Variants in NAE1 observed in about 807,000 individuals in gnomAD.
The protein encoded by NAE1 is NEDD8-activating enzyme E1 regulatory subunit.
NAE1 carries 59 observed loss-of-function variants against 88.0 expected under a neutral mutation model. That is an observed-to-expected ratio of 0.67 (90% CI 0.54 to 0.83). The LOEUF is 0.83. Among genes scored for constraint, NAE1 ranks in the 40% least tolerant of loss-of-function variants. The probability of loss-of-function intolerance (pLI) is 0.00; values close to 1 mark genes in which losing one functional copy is unlikely to be tolerated. For synonymous variants in NAE1, 186 were observed against 208.9 expected (o/e 0.89, Z 0.95); for missense variants, 554 against 632.8 (o/e 0.88, Z 1.34).
In NAE1 at chr16:66,830,935, T is replaced by G. The variant is rs374734901; in HGVS notation, c.-36A>C. ...GCCGCGCGGAAAACAGCCGAGCCCC[T>G]GCGGAGCGCCGCCACCAGCTCCACA... On this transcript the variant is annotated 5_prime_UTR_variant, in exon 1 of 20. Coordinates refer to ENST00000290810, the MANE Select transcript of NAE1 (RefSeq NM_003905.4). 4.7e-6 allele frequency: 7 copies of G among 1,498,374 alleles called. No homozygotes were observed. In the South Asian group the frequency reaches 6.2e-5, roughly 13 times the overall value. The allele number at this position is 1,498,374 out of a possible 1,614,324, so 92.8% of individuals were successfully genotyped here.
chr16:66,812,968 G>A (rs1301203859), intron 13 of NAE1, among the ~76,000 whole-genome samples: 5 of 151,692 alleles, frequency 3.3e-5, no homozygotes, highest in South Asian at 2.1e-4. Flanking sequence ...GACTACAGGC[G>A]CCTGCCACCA....
At chr16:66,824,628 C>A (rs756728969) in intron 4 of NAE1, 4 of 349,772 alleles carry the variant, frequency 1.1e-5, no homozygotes, top group Non-Finnish European at 2.1e-5. Flanking sequence ...TGAATATTAA[C>A]ATTACTCAAG....
At chr16:66,817,299 TC>T in intron 9 of NAE1, 125 bp downstream of exon 9, 1 of 876,442 alleles carries the variant, frequency 1.1e-6, no homozygotes. Flanking sequence ...TTTAAAAGCA[TC>T]CATTTGCCCT....
At chr16:66,806,158 G>T in intron 17 of NAE1, 132 bp from the exon 18 acceptor site, 1 of 1,099,992 alleles carries the variant, frequency 9.1e-7, no homozygotes, top group Non-Finnish European at 1.2e-6. Context: ...AACAAAGTAT[G>T]AGACCAATAT....
Position 66,823,279 on chromosome 16 carries a change from G to A in NAE1, c.349C>T (p.Pro117Ser), listed in dbSNP as rs778722431. Residue 117 changes from proline to serine, a missense_variant, in exon 6 of 20, where the codon CCC (proline) becomes TCC (serine). Transcript: ENST00000290810. Reference protein sequence around the residue: ...ESPENLLDNDPSFFCRFTVVV... With the variant: ...ESPENLLDNDSSFFCRFTVVV... ...ACAGTAAACCTACAGAAAAATGAGG[G>A]ATCATTGTCTAGAAGGTTTTCTGGA... 1.2e-6 allele frequency: 2 copies of A among 1,602,648 alleles called. No homozygotes were observed. The highest frequency in any genetic ancestry group is 3.5e-5 in the Admixed American group (2 of 57,844).
At chr16:66,830,019 G>A (rs1487674663) in intron 1 of NAE1, among the ~76,000 whole-genome samples, 1 of 152,120 alleles carries the variant, frequency 6.6e-6, no homozygotes, top group Non-Finnish European at 1.5e-5. Flanking sequence ...CAGAGTAACT[G>A]GGATTACAGG....
chr16:66,828,587 T>C (rs947979921), intron 1 of NAE1, among the ~76,000 whole-genome samples: 1 of 151,238 alleles, frequency 6.6e-6, no homozygotes, highest in African/African-American at 2.4e-5. Context: ...GGCAGGAGGA[T>C]CACTCCAGCC....
Position 66,810,431 on chromosome 16 carries a change from C to A in NAE1, c.1111-18G>T, listed in dbSNP as rs367954619. ...TCTGGTGCCTGTAAAGAGATAAATACAGATTCTGTTCCAGTTTAAAAGAGA... is the reference window on the plus strand; with the variant it reads ...TCTGGTGCCTGTAAAGAGATAAATAAAGATTCTGTTCCAGTTTAAAAGAGA... On this transcript the variant is annotated intron_variant, in intron 14 of 19. Transcript: ENST00000290810. 286 of 1,592,822 alleles carry A rather than the reference C, an allele frequency of 1.8e-4. 7 individuals carry two copies. Among genetic ancestry groups the A allele is most frequent in the South Asian group, 6.2e-4 (56 of 89,926 alleles).
At chr16:66,820,018 T>C (rs1044579100) in intron 7 of NAE1, among the ~76,000 whole-genome samples, 1 of 152,320 alleles carries the variant, frequency 6.6e-6, no homozygotes, top group East Asian at 1.9e-4. Context: ...AATAAAATGT[T>C]TACATGGTCA....
At chr16:66,809,423 G>A (rs1959697153) in intron 15 of NAE1, among the ~76,000 whole-genome samples, 1 of 152,118 alleles carries the variant, frequency 6.6e-6, no homozygotes, top group Non-Finnish European at 1.5e-5. Flanking sequence ...GCCTGATATG[G>A]CTCTAAAAAT....
chr16:66,803,286 C>G (rs1959428223), intron 19 of NAE1, among the ~76,000 whole-genome samples, 168 bp from the exon 20 acceptor site: 1 of 152,094 alleles, frequency 6.6e-6, no homozygotes, highest in Admixed American at 6.6e-5. Flanking sequence ...GCCTATAATT[C>G]TTTTTGTTAT....
At chr16:66,827,567 C>CA (rs11372346) in intron 1 of NAE1, 72,337 of 139,550 alleles carry the variant, frequency 0.52, 18,388 homozygotes, top group African/African-American at 0.65. Context: ...GACTCCGTCT[C>CA]AAAAAAAAAA....
At chr16:66,823,479 T>G in intron 5 of NAE1, 50 bp downstream of exon 5, 1 of 1,518,492 alleles carries the variant, frequency 6.6e-7, no homozygotes, top group Non-Finnish European at 9.0e-7. Context: ...TTTGAATTAT[T>G]TAAAAAATTG....
intron 7 of NAE1, among the ~76,000 whole-genome samples, chr16:66,819,700 G>A (rs993370029): frequency 6.6e-6 from 1 of 152,132 alleles, no homozygotes; most frequent in African/African-American, 2.4e-5. Flanking sequence ...TATTATGTCA[G>A]TTCTCAAAAA....
At chr16:66,821,370 A>C in intron 7 of NAE1, 80 bp downstream of exon 7, 1 of 1,392,520 alleles carries the variant, frequency 7.2e-7, no homozygotes, top group Non-Finnish European at 9.4e-7. Context: ...TGTAATTTAA[A>C]ACTGACTTTC....
chr16:66,818,212 ATTCT>A (rs1264605470), intron 8 of NAE1, among the ~76,000 whole-genome samples: 2 of 152,144 alleles, frequency 1.3e-5, no homozygotes, highest in Non-Finnish European at 2.9e-5. Context: ...AATCTTATTT[ATTCT>A]TTCTAATTTT....
Position 66,816,955 on chromosome 16 carries a change from C to T in NAE1, c.748+10G>A. On this transcript the variant is annotated intron_variant, in intron 10 of 19. Transcript: ENST00000290810. ...AGCTTTATACAGTATTTAATCATAT[C>T]CCATATTACCTTGTCTAATCAAATC... The T allele has an allele frequency of 6.3e-7, 1 of 1,586,954 alleles. No homozygotes were observed.
intron 15 of NAE1, 115 bp from the exon 16 acceptor site, chr16:66,809,190 T>G: frequency 1.5e-6 from 1 of 645,814 alleles, no homozygotes. Flanking sequence ...CATGAGAATG[T>G]GAAGAAATGT....
chr16:66,828,377 G>A (rs962934993), intron 1 of NAE1, among the ~76,000 whole-genome samples: 3 of 151,858 alleles, frequency 2.0e-5, no homozygotes, highest in Non-Finnish European at 4.4e-5. Context: ...TATAATCCCA[G>A]CTACTAGGGA....
Sources: gnomAD v4.1 joint callset for allele counts (sites outside exome capture counted in the v4.1 genomes callset) on GRCh38, gnomAD v4.1.1 for gene constraint, MANE v1.5 for transcripts, NCBI Gene and HGNC (gene_info 2026-07-23, HGNC 2026-07-21) for gene names.